Variants in MACROD2 observed in about 807,000 individuals in gnomAD.
The protein encoded by MACROD2 is mono-ADP ribosylhydrolase 2.
In MACROD2, 36 loss-of-function variants were observed where a neutral mutation model predicts 70.4. That is an observed-to-expected ratio of 0.51 (90% CI 0.39 to 0.68). The LOEUF is 0.68. Among genes scored for constraint, MACROD2 ranks in the 30% least tolerant of loss-of-function variants. MACROD2 has a pLI of 0.00. For missense variants in MACROD2, 496 were observed against 538.4 expected, an observed-to-expected ratio of 0.92 and a Z score of 0.78; for synonymous variants, 172 against 178.8, an observed-to-expected ratio of 0.96 and a Z score of 0.30.
At chr20:14,896,251 C>G (rs1449102660) in intron 5 of MACROD2, among the ~76,000 whole-genome samples, 1 of 152,046 alleles carries the variant, frequency 6.6e-6, no homozygotes, top group Non-Finnish European at 1.5e-5. Context: ...GCAGAGATTG[C>G]ACCACTGCAC....
At chr20:14,722,012 G>A (rs1568758743) in intron 5 of MACROD2, among the ~76,000 whole-genome samples, 1 of 152,146 alleles carries the variant, frequency 6.6e-6, no homozygotes, top group Non-Finnish European at 1.5e-5. Context: ...TCAGTAAAGA[G>A]GTATCAGTTA....
intron 8 of MACROD2, among the ~76,000 whole-genome samples, chr20:15,797,199 CG>C (rs1253221267): frequency 6.6e-6 from 1 of 152,034 alleles, no homozygotes; most frequent in Non-Finnish European, 1.5e-5. Flanking sequence ...CTGCAAGCTC[CG>C]CCTCCCAGGT....
intron 6 of MACROD2, among the ~76,000 whole-genome samples, chr20:15,273,543 AAAG>A (rs1286857359): frequency 2.0e-5 from 3 of 152,186 alleles, no homozygotes; most frequent in Non-Finnish European, 4.4e-5. Flanking sequence ...GAAAGCTAAC[AAAG>A]AAGATGAGTT....
intron 8 of MACROD2, among the ~76,000 whole-genome samples, chr20:15,636,098 A>AAAAAAAAAAAAAAAAAAAG (rs1555851926): frequency 7.2e-6 from 1 of 138,514 alleles, no homozygotes; most frequent in African/African-American, 2.8e-5. Context: ...AAAAAGAAAG[A>AAAAAAAAAAAAAAAAAAAG]AAAGAAAAGA....
intron 17 of MACROD2, among the ~76,000 whole-genome samples, chr20:16,046,118 T>C (rs924317217): frequency 3.9e-5 from 6 of 152,202 alleles, no homozygotes; most frequent in African/African-American, 1.4e-4. Context: ...TTGATGGTTC[T>C]CTACACTTTC....
chr20:15,263,544 T>C (rs2077267446), intron 6 of MACROD2, among the ~76,000 whole-genome samples: 1 of 152,060 alleles, frequency 6.6e-6, no homozygotes, highest in Non-Finnish European at 1.5e-5. Context: ...ATTTTTAGGA[T>C]TTTTTATCTA....
intron 5 of MACROD2, among the ~76,000 whole-genome samples, chr20:15,088,967 A>G (rs1480305079): frequency 6.6e-6 from 1 of 152,112 alleles, no homozygotes; most frequent in African/African-American, 2.4e-5. Flanking sequence ...CATGTGATTT[A>G]AAAATAAATA....
At chr20:15,469,454 A>G (rs926010725) in intron 7 of MACROD2, among the ~76,000 whole-genome samples, 2 of 152,208 alleles carry the variant, frequency 1.3e-5, no homozygotes, top group Admixed American at 6.5e-5. Flanking sequence ...AGTGAGATCA[A>G]TGTCAAGCTA....
chr20:15,357,973 A>AT (rs1342469455), intron 6 of MACROD2, among the ~76,000 whole-genome samples: 3 of 151,278 alleles, frequency 2.0e-5, no homozygotes, highest in Non-Finnish European at 4.4e-5. Flanking sequence ...CGCCCGGCTA[A>AT]TTTTTTTTGT....
chr20:14,849,146 C>A (rs1256723468), intron 5 of MACROD2, among the ~76,000 whole-genome samples: 2 of 152,108 alleles, frequency 1.3e-5, no homozygotes, highest in African/African-American at 4.8e-5. Flanking sequence ...TTTGAATAGA[C>A]CTGCAAAATG....
At chr20:15,533,544 G>GCTCT (rs3071260) in intron 8 of MACROD2, among the ~76,000 whole-genome samples, 3,449 of 141,110 alleles carry the variant, frequency 0.024, 43 homozygotes, top group Middle Eastern at 0.075. Flanking sequence ...TGTCTCTGTC[G>GCTCT]CTCTCTCTCT....
rs527618885 is a variant in MACROD2, at chr20:14,778,603, C to T, written c.418+93644C>T. 1.5e-4 allele frequency among the ~76,000 whole-genome samples: 23 copies of T among 152,238 alleles called. No homozygotes were observed. The South Asian group carries it at 4.1e-3, about 27-fold the overall frequency. ...ATTTATGGTAGTTTGGGGGCGTAAT[C>T]TTAGTGCAGACAAGTTTCCTTTGCC... On this transcript the variant is annotated intron_variant, in intron 5 of 17. Transcript: ENST00000684519.
intron 4 of MACROD2, among the ~76,000 whole-genome samples, chr20:14,609,969 G>A (rs56398408): frequency 0.019 from 2,898 of 151,918 alleles, 70 homozygotes; most frequent in African/African-American, 0.044. Context: ...TTCTTTTTTC[G>A]TATTTTGTAG....
At chr20:15,038,199 A>C (rs1442117318) in intron 5 of MACROD2, among the ~76,000 whole-genome samples, 1 of 152,220 alleles carries the variant, frequency 6.6e-6, no homozygotes, top group East Asian at 1.9e-4. Flanking sequence ...ATCGTTTCTT[A>C]ATTCTTTGGT....
At chr20:14,805,806 G>T (rs1158457126) in intron 5 of MACROD2, among the ~76,000 whole-genome samples, 2 of 151,904 alleles carry the variant, frequency 1.3e-5, no homozygotes, top group African/African-American at 2.4e-5. Flanking sequence ...GGCTTAGCTA[G>T]AAAAAAGTGA....
intron 5 of MACROD2, among the ~76,000 whole-genome samples, chr20:14,984,495 A>T (rs1301025406): frequency 6.6e-6 from 1 of 152,096 alleles, no homozygotes; most frequent in South Asian, 2.1e-4. Flanking sequence ...CTTTCCTTTT[A>T]TTGGTAACTT....
intron 8 of MACROD2, among the ~76,000 whole-genome samples, chr20:15,793,248 G>T (rs371133427): frequency 6.6e-6 from 1 of 152,094 alleles, no homozygotes; most frequent in Non-Finnish European, 1.5e-5. Context: ...CAATCACCAG[G>T]AAGGTTTGTT....
intron 3 of MACROD2, among the ~76,000 whole-genome samples, chr20:14,444,891 G>A (rs1158160731): frequency 6.6e-6 from 1 of 151,706 alleles, no homozygotes; most frequent in Non-Finnish European, 1.5e-5. Context: ...TATATGTAGA[G>A]AGAGAGAGTT....
intron 8 of MACROD2, among the ~76,000 whole-genome samples, chr20:15,748,048 C>T (rs1055113953): frequency 3.3e-5 from 5 of 152,076 alleles, no homozygotes; most frequent in African/African-American, 1.2e-4. Flanking sequence ...TTCTACAAAT[C>T]CCAGTGTCTG....
Sources: gnomAD v4.1 joint callset for allele counts (sites outside exome capture counted in the v4.1 genomes callset) on GRCh38, gnomAD v4.1.1 for gene constraint, MANE v1.5 for transcripts, NCBI Gene and HGNC (gene_info 2026-07-23, HGNC 2026-07-21) for gene names.